PTPRT: variants seen among roughly 807,000 people sequenced by gnomAD.
PTPRT encodes the protein protein tyrosine phosphatase receptor type T.
PTPRT carries 56 observed loss-of-function variants against 176.8 expected under a neutral mutation model. The observed-to-expected ratio is 0.32, with a 90% confidence interval of 0.26 to 0.40. PTPRT has a LOEUF of 0.40. PTPRT is among the 10% of genes least tolerant of loss of function. The pLI is 1.00. For synonymous variants in PTPRT, 783 were observed against 739.0 expected (o/e 1.06, Z -0.96); for missense variants, 1,540 against 1,908.2 (o/e 0.81, Z 3.60).
intron 2 of PTPRT, among the ~76,000 whole-genome samples, chr20:42,845,818 G>T (rs2078360741): frequency 6.6e-6 from 1 of 152,218 alleles, no homozygotes; most frequent in Non-Finnish European, 1.5e-5. Flanking sequence ...TCTGAGAAAT[G>T]ATGGCAGAGA....
chr20:42,785,128 C>G (rs2077270188), intron 3 of PTPRT, among the ~76,000 whole-genome samples: 1 of 152,144 alleles, frequency 6.6e-6, no homozygotes, highest in African/African-American at 2.4e-5. Context: ...TCTAAATACA[C>G]ACAATTAATA....
chr20:42,639,416 C>T (rs2074685805), intron 7 of PTPRT, among the ~76,000 whole-genome samples: 1 of 152,144 alleles, frequency 6.6e-6, no homozygotes, highest in South Asian at 2.1e-4. Context: ...CTCCTATGCC[C>T]TGGCCATCCA....
At chr20:42,299,082 C>CAAA (rs139949429) in intron 12 of PTPRT, among the ~76,000 whole-genome samples, 2 of 149,978 alleles carry the variant, frequency 1.3e-5, no homozygotes, top group African/African-American at 4.9e-5. Context: ...AAAATTTTCA[C>CAAA]AAAAAAAAAC....
chr20:43,046,514 AG>A (rs1965200057), intron 1 of PTPRT, among the ~76,000 whole-genome samples: 1 of 150,632 alleles, frequency 6.6e-6, no homozygotes, highest in Non-Finnish European at 1.5e-5. Flanking sequence ...GCTTGCAGTG[AG>A]CCTGGGTAAC....
chr20:42,061,901 T>A, the PTPRT span, among the ~76,000 whole-genome samples: 1 of 152,220 alleles, frequency 6.6e-6, no homozygotes, highest in Non-Finnish European at 1.5e-5. Flanking sequence ...AACTGCATTT[T>A]AAAAAATCCT....
At chr20:43,083,321 T>TGTATATATATATATATATATATATAC (rs1491174501) in intron 1 of PTPRT, among the ~76,000 whole-genome samples, 2 of 11,428 alleles carry the variant, frequency 1.8e-4, no homozygotes, top group African/African-American at 8.4e-4. Context: ...ACTTCAAATG[T>TGTATATATATATATATATATATATAC]ATATATATAT....
chr20:42,609,509 A>G (rs982921176), intron 7 of PTPRT, among the ~76,000 whole-genome samples: 11 of 152,202 alleles, frequency 7.2e-5, no homozygotes, highest in Non-Finnish European at 1.2e-4. Context: ...CCAATGTCAC[A>G]TGTCTGCTAA....
At chr20:42,450,753 A>G (rs1268183142) in intron 8 of PTPRT, among the ~76,000 whole-genome samples, 1 of 152,154 alleles carries the variant, frequency 6.6e-6, no homozygotes, top group African/African-American at 2.4e-5. Flanking sequence ...TAATATGATG[A>G]AGGGACAGCG....
chr20:42,701,569 C>G (rs2075974111), intron 6 of PTPRT, among the ~76,000 whole-genome samples: 2 of 152,112 alleles, frequency 1.3e-5, no homozygotes, highest in African/African-American at 2.4e-5. Context: ...GACAAGTGGA[C>G]CTGGGGTTTA....
intron 1 of PTPRT, among the ~76,000 whole-genome samples, chr20:43,053,390 C>T (rs75761459): frequency 0.071 from 10,781 of 152,258 alleles, 470 homozygotes; most frequent in Middle Eastern, 0.14. Flanking sequence ...CACCAGCTAC[C>T]CGGGTGGTTT....
chr20:42,530,371 G>T (rs1358621446), intron 7 of PTPRT, among the ~76,000 whole-genome samples: 7 of 152,206 alleles, frequency 4.6e-5, no homozygotes, highest in African/African-American at 9.7e-5. Context: ...ATGCAATGTG[G>T]CTCCTATCCA....
intron 1 of PTPRT, among the ~76,000 whole-genome samples, chr20:42,904,600 G>C (rs192111723): frequency 6.6e-6 from 1 of 152,180 alleles, no homozygotes. Context: ...GAAGTGCTGG[G>C]AAGAGAAGGG....
intron 7 of PTPRT, among the ~76,000 whole-genome samples, chr20:42,535,189 C>G (rs1047974469): frequency 6.6e-6 from 1 of 152,110 alleles, no homozygotes; most frequent in Non-Finnish European, 1.5e-5. Context: ...ATGAATAGAG[C>G]TGGAGGCCAT....
At position 42,743,613 on chromosome 20, in the gene PTPRT, C is replaced by A. The variant is rs114531686; in HGVS notation, c.859+12849G>T. Among the ~76,000 whole-genome samples the A allele has an allele frequency of 9.1e-3, 1,387 of 152,280 alleles. 30 individuals carry two copies. Among genetic ancestry groups the A allele is most frequent in the African/African-American group, 0.032 (1,313 of 41,544 alleles). On this transcript the variant is annotated intron_variant, in intron 6 of 30. Coordinates refer to ENST00000373187, the MANE Select transcript of PTPRT (RefSeq NM_007050.6). ...AAGTCAAGGCCCTGAGCAATGGTCA[C>A]TTAAGTCTAATTAGCAGGAGAATGA... is the stretch of plus-strand genomic sequence containing the variant.
chr20:42,587,363 C>T (rs907392079), intron 7 of PTPRT, among the ~76,000 whole-genome samples: 1 of 152,208 alleles, frequency 6.6e-6, no homozygotes, highest in East Asian at 1.9e-4. Context: ...CAGAATCCAC[C>T]GAAAGGTATG....
intron 16 of PTPRT, among the ~76,000 whole-genome samples, chr20:42,188,181 T>C (rs538323805): frequency 1.1e-4 from 16 of 152,296 alleles, no homozygotes; most frequent in African/African-American, 3.1e-4. Context: ...TTTGGCATCA[T>C]CACCACCTAC....
At position 42,549,739 on chromosome 20, in the gene PTPRT, G is replaced by T. The variant is rs148837666; in HGVS notation, c.1154-77177C>A. ...AGCTGGTGAATGGGAGGGGAAGGTTGTGGTTTATGTGATGCACAGTCTCTA... is the reference window on the plus strand; with the variant it reads ...AGCTGGTGAATGGGAGGGGAAGGTTTTGGTTTATGTGATGCACAGTCTCTA... On this transcript the variant is annotated intron_variant, in intron 7 of 30. Transcript: ENST00000373187. Among the ~76,000 whole-genome samples, 556 of 152,258 alleles carry T rather than the reference G, an allele frequency of 3.7e-3. 3 individuals are homozygous for T. The highest frequency in any genetic ancestry group is 4.7e-3 in the Non-Finnish European group (320 of 68,014).
intron 7 of PTPRT, among the ~76,000 whole-genome samples, chr20:42,668,858 A>ATTTTTTTTTTTTTTTTTTTTTTTTT (rs755121515): frequency 1.2e-5 from 1 of 81,276 alleles, no homozygotes; most frequent in Admixed American, 1.8e-4. Flanking sequence ...CGCCCAGCTA[A>ATTTTTTTTTTTTTTTTTTTTTTTTT]TTTTTTTTTT....
chr20:42,450,992 T>C (rs922226784), intron 8 of PTPRT, among the ~76,000 whole-genome samples: 2 of 151,332 alleles, frequency 1.3e-5, no homozygotes, highest in Admixed American at 1.3e-4. Flanking sequence ...TAAGTTAGAG[T>C]TGCTTGATAA....
Sources: allele counts gnomAD v4.1 joint callset (sites outside exome capture counted in the v4.1 genomes callset), GRCh38; gene constraint gnomAD v4.1.1; transcripts MANE v1.5; gene names NCBI Gene and HGNC (gene_info 2026-07-23, HGNC 2026-07-21).